DMD: variants seen among roughly 807,000 people sequenced by gnomAD.
The protein encoded by DMD is mutant dystrophin.
In DMD, 63 loss-of-function variants were observed where a neutral mutation model predicts 330.1. That is an observed-to-expected ratio of 0.19 (90% CI 0.16 to 0.24). DMD has a LOEUF of 0.24. Ranked by LOEUF, DMD falls within the 10% of genes least tolerant of loss-of-function variation. DMD has a pLI of 1.00. For synonymous variants in DMD, 1,223 were observed against 959.8 expected (o/e 1.27, Z -5.07); for missense variants, 3,344 against 2,684.1 (o/e 1.25, Z -5.43).
At chrX:31,161,128 GACAGCTATTTTTGTTATTATTATTA>G (rs989588178) in intron 74 of DMD, among the ~76,000 whole-genome samples, 11 of 111,399 alleles carry the variant, frequency 9.9e-5, no homozygotes, top group Non-Finnish European at 1.7e-4. Context: ...TCACTCAAAG[GACAGCTATTTTTGTTATTATTATTA>G]TTACGTAGAG....
chrX:33,128,748 C>T lies in DMD; in HGVS notation c.31+82534G>A, dbSNP rs913513137. ...GAGACTGGACCTATAAAGTTGCGCACCTGTGTGATGCTAGGAGAAGAAAAT... is the reference window on the plus strand; with the variant it reads ...GAGACTGGACCTATAAAGTTGCGCATCTGTGTGATGCTAGGAGAAGAAAAT... On this transcript the variant is annotated intron_variant, in intron 1 of 78. Coordinates refer to ENST00000357033, the MANE Select transcript of DMD (RefSeq NM_004006.3). Among the ~76,000 whole-genome samples, 3 of 112,194 alleles carry T rather than the reference C, an allele frequency of 2.7e-5. No individual in the cohort carries two copies. The Admixed American group carries it at 2.9e-4, about 11-fold the overall frequency.
At chrX:32,667,592 T>C (rs1312828025) in intron 9 of DMD, among the ~76,000 whole-genome samples, 1 of 111,498 alleles carries the variant, frequency 9.0e-6, no homozygotes, top group Non-Finnish European at 1.9e-5. Flanking sequence ...CATCTAATAC[T>C]GCACTAAATA....
At chrX:33,007,775 A>T (rs2093425367) in intron 2 of DMD, among the ~76,000 whole-genome samples, 1 of 111,507 alleles carries the variant, frequency 9.0e-6, no homozygotes, top group African/African-American at 3.3e-5. Flanking sequence ...TGTTTCCTTA[A>T]ATATAAATTA....
At chrX:32,169,835 T>G (rs1193718118) in intron 44 of DMD, among the ~76,000 whole-genome samples, 1 of 109,651 alleles carries the variant, frequency 9.1e-6, no homozygotes, top group Non-Finnish European at 1.9e-5. Context: ...TTTCCTCGCA[T>G]TGTTTCATTT....
At chrX:33,102,104 C>T (rs998245736) in intron 1 of DMD, among the ~76,000 whole-genome samples, 14 of 111,907 alleles carry the variant, frequency 1.3e-4, no homozygotes, top group African/African-American at 2.3e-4. Context: ...TTTAGGCTCA[C>T]GGACTTCATA....
At chrX:32,557,105 T>G (rs1255909046) in intron 16 of DMD, among the ~76,000 whole-genome samples, 1 of 111,388 alleles carries the variant, frequency 9.0e-6, no homozygotes, top group Admixed American at 9.6e-5. Flanking sequence ...ACAATGGCCC[T>G]AAGAGTAAGT....
chrX:32,524,584 A>G (rs1340215411), intron 17 of DMD, among the ~76,000 whole-genome samples: 3 of 112,381 alleles, frequency 2.7e-5, no homozygotes, highest in Non-Finnish European at 5.6e-5. Flanking sequence ...GGCTCTGCCA[A>G]GTATATTGGT....
intron 7 of DMD, among the ~76,000 whole-genome samples, chrX:32,763,835 A>G (rs1433002066): frequency 1.8e-5 from 2 of 111,454 alleles, no homozygotes; most frequent in African/African-American, 6.5e-5. Context: ...CTCATTTACT[A>G]TTACTGAAGC....
At chrX:32,902,459 T>A (rs1321901016) in intron 2 of DMD, among the ~76,000 whole-genome samples, 2 of 110,979 alleles carry the variant, frequency 1.8e-5, no homozygotes, top group Non-Finnish European at 3.8e-5. Flanking sequence ...AAAATAAGTA[T>A]TCTCTAATTT....
At chrX:31,356,609 A>G (rs965557610) in intron 60 of DMD, among the ~76,000 whole-genome samples, 8 of 112,187 alleles carry the variant, frequency 7.1e-5, no homozygotes, top group African/African-American at 2.6e-4. Context: ...AGAACAAAAC[A>G]GCAAGCTCTT....
intron 1 of DMD, among the ~76,000 whole-genome samples, chrX:33,084,004 G>A (rs1274565838): frequency 9.0e-6 from 1 of 111,412 alleles, no homozygotes. Context: ...ACCCCAAAAC[G>A]GAGCTACAGA....
intron 73 of DMD, among the ~76,000 whole-genome samples, 159 bp downstream of exon 73, chrX:31,172,189 C>A (rs926239804): frequency 8.1e-5 from 9 of 111,643 alleles, no homozygotes; most frequent in African/African-American, 2.9e-4. Flanking sequence ...CATTCCATGC[C>A]AGGGCATTAA....
intron 55 of DMD, among the ~76,000 whole-genome samples, chrX:31,544,416 T>TCAC (rs1398991760): frequency 3.3e-4 from 36 of 109,888 alleles, no homozygotes; most frequent in African/African-American, 1.2e-3. Context: ...AGCAGGATGG[T>TCAC]CACTCTCACC....
At chrX:31,813,005 T>C (rs1741478070) in intron 50 of DMD, among the ~76,000 whole-genome samples, 1 of 111,887 alleles carries the variant, frequency 8.9e-6, no homozygotes, top group South Asian at 3.7e-4. Context: ...GAAGAGAAGA[T>C]AGAGCTGCAG....
At chrX:31,850,587 T>A (rs1184436853) in intron 48 of DMD, among the ~76,000 whole-genome samples, 1 of 112,107 alleles carries the variant, frequency 8.9e-6, no homozygotes, top group Middle Eastern at 4.2e-3. Context: ...TGTTCTTATC[T>A]TCCATCATGA....
At chrX:31,166,742 G>A (rs1281978907) in intron 74 of DMD, among the ~76,000 whole-genome samples, 5 of 111,433 alleles carry the variant, frequency 4.5e-5, no homozygotes, top group South Asian at 3.8e-4. Context: ...GAAAACACAC[G>A]GGCTGTTTTC....
intron 33 of DMD, among the ~76,000 whole-genome samples, chrX:32,382,686 G>A (rs895512349): frequency 9.2e-6 from 1 of 108,516 alleles, no homozygotes; most frequent in Non-Finnish European, 1.9e-5. Context: ...AGGGGTGTGT[G>A]GGGGGTGAGG....
intron 44 of DMD, among the ~76,000 whole-genome samples, chrX:32,060,969 T>C (rs1217651700): frequency 9.0e-6 from 1 of 110,838 alleles, no homozygotes; most frequent in Non-Finnish European, 1.9e-5. Flanking sequence ...GCCTGGAAAA[T>C]GGGAACGATA....
chrX:33,319,636 CATT>C (rs1304967158), intron 1 of DMD, among the ~76,000 whole-genome samples: 2 of 112,275 alleles, frequency 1.8e-5, no homozygotes, highest in African/African-American at 6.5e-5. Flanking sequence ...CCTTTATCAT[CATT>C]ATCACCTTTA....
Sources: allele counts gnomAD v4.1 joint callset (sites outside exome capture counted in the v4.1 genomes callset), GRCh38; gene constraint gnomAD v4.1.1; transcripts MANE v1.5; gene names NCBI Gene and HGNC (gene_info 2026-07-23, HGNC 2026-07-21).